Variants in TMEM178B observed in about 807,000 individuals in gnomAD.
The protein encoded by TMEM178B is transmembrane protein 178B.
TMEM178B carries 5 observed loss-of-function variants against 31.0 expected under a neutral mutation model. The ratio of observed to expected loss-of-function variants is 0.16; its 90% confidence interval spans 0.08 to 0.34. The LOEUF (loss-of-function observed/expected upper bound fraction) is 0.34, where lower values mean the gene tolerates loss of function less well. Ranked by LOEUF, TMEM178B falls within the 10% of genes least tolerant of loss-of-function variation. TMEM178B has a pLI of 1.00. For missense variants in TMEM178B, 275 were observed against 400.3 expected, an observed-to-expected ratio of 0.69 and a Z score of 2.67; for synonymous variants, 164 against 164.0, an observed-to-expected ratio of 1.00 and a Z score of 0.00.
chr7:141,109,173 A>C (rs1414460044), intron 1 of TMEM178B, among the ~76,000 whole-genome samples: 1 of 152,176 alleles, frequency 6.6e-6, no homozygotes, highest in African/African-American at 2.4e-5. Context: ...CACAGAGCCA[A>C]ACCATATCAA....
rs551277491 is a variant in TMEM178B, at chr7:141,162,664, C to T, written c.383-49927C>T. 2.0e-4 allele frequency among the ~76,000 whole-genome samples: 30 copies of T among 152,274 alleles called. 1 individual carries two copies. Among genetic ancestry groups the T allele is most frequent in the Admixed American group, 4.6e-4 (7 of 15,300 alleles). On this transcript the variant is annotated intron_variant, in intron 1 of 3. Coordinates refer to ENST00000565468, the MANE Select transcript of TMEM178B (RefSeq NM_001195278.2). ...ATTTTATTTCATTAATCAAAATAGG[C>T]ATGTTGGATTGAATTTAGGCACAGC... is the stretch of plus-strand genomic sequence containing the variant.
chr7:141,349,478 G>A (rs1034877169), intron 2 of TMEM178B, among the ~76,000 whole-genome samples: 3 of 152,280 alleles, frequency 2.0e-5, no homozygotes, highest in Non-Finnish European at 4.4e-5. Flanking sequence ...TTCAACATGC[G>A]TATTTTGAAC....
chr7:141,326,991 G>T (rs1799202556), intron 2 of TMEM178B, among the ~76,000 whole-genome samples: 1 of 152,110 alleles, frequency 6.6e-6, no homozygotes, highest in Admixed American at 6.6e-5. Context: ...GGTGACTACT[G>T]TATTGAGCCA....
chr7:141,148,346 T>G (rs1377152980), intron 1 of TMEM178B, among the ~76,000 whole-genome samples: 1 of 152,176 alleles, frequency 6.6e-6, no homozygotes, highest in Non-Finnish European at 1.5e-5. Flanking sequence ...GCGATTAGGA[T>G]GTGAACATCT....
chr7:141,159,120 C>T (rs940854297), intron 1 of TMEM178B, among the ~76,000 whole-genome samples: 3 of 152,074 alleles, frequency 2.0e-5, no homozygotes, highest in Non-Finnish European at 4.4e-5. Context: ...TGCCTGCACC[C>T]CTGTTCTATC....
At chr7:141,464,200 T>C (rs1470242801) in intron 3 of TMEM178B, among the ~76,000 whole-genome samples, 1 of 152,192 alleles carries the variant, frequency 6.6e-6, no homozygotes, top group Non-Finnish European at 1.5e-5. Flanking sequence ...GGGACCCCTT[T>C]CTGTTTACTG....
rs1802388981 is a variant in TMEM178B at position 141,477,257 on chromosome 7, G to GT, written c.*6472dup. 1 of 154,782 alleles carries GT rather than the reference G, an allele frequency of 6.5e-6. No individual in the cohort carries two copies. Among genetic ancestry groups the GT allele is most frequent in the Non-Finnish European group, 1.5e-5 (1 of 68,216 alleles). The allele number at this position is 154,782 out of a possible 1,614,324, so 9.6% of individuals were successfully genotyped here. On this transcript the variant is annotated 3_prime_UTR_variant, in exon 4 of 4. Transcript: ENST00000565468. ...ACTGTTTTGCTATTCAAGACTATCTGTAAAAATGTACAAATAAAAGTGAAA... is the reference window on the plus strand; with the variant it reads ...ACTGTTTTGCTATTCAAGACTATCTGTTAAAAATGTACAAATAAAAGTGAAA...
At chr7:141,202,005 C>G (rs987264351) in intron 1 of TMEM178B, among the ~76,000 whole-genome samples, 2 of 152,164 alleles carry the variant, frequency 1.3e-5, no homozygotes, top group African/African-American at 4.8e-5. Flanking sequence ...TGAATGCCAC[C>G]TCTGCCACCT....
the TMEM178B span, among the ~76,000 whole-genome samples, chr7:141,502,900 A>C: frequency 3.9e-5 from 6 of 152,230 alleles, no homozygotes; most frequent in African/African-American, 1.4e-4. Flanking sequence ...TGTTTAATCT[A>C]CCAACAAGTA....
intron 2 of TMEM178B, among the ~76,000 whole-genome samples, chr7:141,258,355 A>G (rs1797961680): frequency 6.6e-6 from 1 of 152,152 alleles, no homozygotes; most frequent in Non-Finnish European, 1.5e-5. Flanking sequence ...AAAATCGCAA[A>G]AAATTCTCAT....
In TMEM178B at chr7:141,216,423, C is replaced by CTGTGTGTGTGTGTGTG. The variant is rs575369422; in HGVS notation, c.496+3730_496+3745dup. ...GGGAGTAAAGGCCAGAGGATGAAGC[C>CTGTGTGTGTGTGTGTG]TGTGTGTGTGTGTGTGTGTGTGTGT... On this transcript the variant is annotated intron_variant, in intron 2 of 3. Coordinates refer to ENST00000565468, the MANE Select transcript of TMEM178B (RefSeq NM_001195278.2). Among the ~76,000 whole-genome samples, 133 of 89,420 alleles carry CTGTGTGTGTGTGTGTG rather than the reference C, an allele frequency of 1.5e-3. 2 individuals carry two copies. Among genetic ancestry groups the CTGTGTGTGTGTGTGTG allele is most frequent in the South Asian group, 7.9e-3 (24 of 3,036 alleles). The allele number at this position is 89,420 out of a possible 152,430, so 58.7% of individuals were successfully genotyped here. A position where few individuals can be genotyped will look rare whatever the true frequency, so the allele number is the denominator to read the frequency against.
At chr7:141,425,497 A>G (rs1278393981) in intron 2 of TMEM178B, among the ~76,000 whole-genome samples, 10 of 152,130 alleles carry the variant, frequency 6.6e-5, no homozygotes. Flanking sequence ...CCAGACTCCA[A>G]GCTGGGTCTA....
intron 2 of TMEM178B, among the ~76,000 whole-genome samples, chr7:141,423,985 T>C (rs1490994873): frequency 6.6e-6 from 1 of 151,606 alleles, no homozygotes; most frequent in African/African-American, 2.4e-5. Flanking sequence ...ATTTTTTTTT[T>C]TTTTGTATTT....
intron 2 of TMEM178B, among the ~76,000 whole-genome samples, chr7:141,367,220 A>G (rs1800025109): frequency 6.6e-6 from 1 of 151,462 alleles, no homozygotes; most frequent in African/African-American, 2.4e-5. Context: ...CAAACCAATT[A>G]TTTGATAACA....
At chr7:141,425,741 G>A (rs531227515) in intron 2 of TMEM178B, among the ~76,000 whole-genome samples, 1 of 152,082 alleles carries the variant, frequency 6.6e-6, no homozygotes, top group South Asian at 2.1e-4. Context: ...TACAAATTTT[G>A]CAATTTTTCT....
chr7:141,397,269 C>T (rs1197293309), intron 2 of TMEM178B, among the ~76,000 whole-genome samples: 1 of 152,130 alleles, frequency 6.6e-6, no homozygotes, highest in Non-Finnish European at 1.5e-5. Flanking sequence ...GTAAGCAGAG[C>T]CTTGAGAGAC....
At chr7:141,140,327 G>T (rs1206922857) in intron 1 of TMEM178B, among the ~76,000 whole-genome samples, 1 of 152,138 alleles carries the variant, frequency 6.6e-6, no homozygotes, top group East Asian at 1.9e-4. Flanking sequence ...ACTCCTCAGT[G>T]GGGCTTTCTT....
At chr7:141,317,280 A>G (rs1162026108) in intron 2 of TMEM178B, among the ~76,000 whole-genome samples, 1 of 152,046 alleles carries the variant, frequency 6.6e-6, no homozygotes, top group Non-Finnish European at 1.5e-5. Flanking sequence ...CTTTTTTCTT[A>G]AGGAAGAGAG....
chr7:141,411,058 A>G (rs533853187), intron 2 of TMEM178B, among the ~76,000 whole-genome samples: 1 of 152,192 alleles, frequency 6.6e-6, no homozygotes, highest in East Asian at 1.9e-4. Flanking sequence ...ATTTTACTCG[A>G]ATAAAATAAA....
Sources: allele counts gnomAD v4.1 joint callset (sites outside exome capture counted in the v4.1 genomes callset), GRCh38; gene constraint gnomAD v4.1.1; transcripts MANE v1.5; gene names NCBI Gene and HGNC (gene_info 2026-07-23, HGNC 2026-07-21).